Variants in APBA2 observed in about 807,000 individuals in gnomAD.
APBA2 encodes the protein amyloid-beta A4 precursor protein-binding family A member 2.
In APBA2, 30 loss-of-function variants were observed where a neutral mutation model predicts 75.0. The observed-to-expected ratio is 0.40, with a 90% CI of 0.30 to 0.54. The LOEUF is 0.54. Ranked by LOEUF, APBA2 falls within the 20% of genes least tolerant of loss-of-function variation. The pLI, the probability that APBA2 is intolerant of heterozygous loss-of-function variation, is 0.49. For synonymous variants in APBA2, 444 were observed against 409.6 expected, an observed-to-expected ratio of 1.08 and a Z score of -1.01; for missense variants, 801 against 1,016.1, an observed-to-expected ratio of 0.79 and a Z score of 2.88.
chr15:29,082,566 TA>T (rs2043130070), intron 6 of APBA2, among the ~76,000 whole-genome samples: 1 of 152,254 alleles, frequency 6.6e-6, no homozygotes, highest in Non-Finnish European at 1.5e-5. Flanking sequence ...TATTATTCTT[TA>T]CATATAAAGG....
intron 2 of APBA2, among the ~76,000 whole-genome samples, chr15:28,956,705 T>C (rs2036188335): frequency 1.3e-5 from 2 of 152,120 alleles, no homozygotes; most frequent in South Asian, 4.1e-4. Flanking sequence ...TGAAACTCTG[T>C]CCCCATTAAA....
At chr15:28,966,379 G>A (rs868595880) in intron 2 of APBA2, among the ~76,000 whole-genome samples, 4 of 152,032 alleles carry the variant, frequency 2.6e-5, no homozygotes, top group African/African-American at 9.7e-5. Flanking sequence ...GGTCTGGGGG[G>A]TACGCATTTA....
chr15:29,089,072 C>T (rs1237785985), intron 6 of APBA2, among the ~76,000 whole-genome samples: 1 of 152,196 alleles, frequency 6.6e-6, no homozygotes, highest in Non-Finnish European at 1.5e-5. Flanking sequence ...CTTCCCAGGG[C>T]CATAGCCTCC....
At chr15:29,114,933 G>A (rs985682960) in intron 14 of APBA2, among the ~76,000 whole-genome samples, 90 of 151,514 alleles carry the variant, frequency 5.9e-4, no homozygotes, top group Non-Finnish European at 1.3e-4. Flanking sequence ...GTGTGTATGT[G>A]TGCACGGCTG....
Position 29,078,744 on chromosome 15 carries a change from C to T in APBA2, c.1069+2653C>T, listed in dbSNP as rs8033924. Among the ~76,000 whole-genome samples the T allele has an allele frequency of 2.7e-3, 404 of 152,218 alleles. 2 individuals are homozygous for T. The highest frequency in any genetic ancestry group is 9.4e-3 in the African/African-American group (389 of 41,534). ...CTCCTCTTCAGGCTTGTCACCTCATCGTCACACAGTGTGTGGGCAGCCCCA... is the reference window on the plus strand; with the variant it reads ...CTCCTCTTCAGGCTTGTCACCTCATTGTCACACAGTGTGTGGGCAGCCCCA... On this transcript the variant is annotated intron_variant, in intron 6 of 14. Transcript: ENST00000683413.
At chr15:28,969,797 C>T (rs1268680051) in intron 2 of APBA2, among the ~76,000 whole-genome samples, 2 of 152,198 alleles carry the variant, frequency 1.3e-5, no homozygotes, top group Admixed American at 1.3e-4. Flanking sequence ...GTGGCAGATT[C>T]GGGTCTGAAT....
At chr15:29,070,404 G>A (rs2042566906) in intron 4 of APBA2, among the ~76,000 whole-genome samples, 1 of 152,210 alleles carries the variant, frequency 6.6e-6, no homozygotes, top group Admixed American at 6.5e-5. Context: ...AGATTTGTAA[G>A]TACAGACTGA....
intron 1 of APBA2, among the ~76,000 whole-genome samples, chr15:28,916,689 T>G (rs1183233042): frequency 6.6e-6 from 1 of 152,168 alleles, no homozygotes; most frequent in African/African-American, 2.4e-5. Context: ...TGTAGCTCAC[T>G]TACCATTTTC....
intron 10 of APBA2, among the ~76,000 whole-genome samples, chr15:29,104,044 A>ACGCCTGCTGGAGGGCAGGC: frequency 6.6e-6 from 1 of 152,350 alleles, no homozygotes; most frequent in Non-Finnish European, 1.5e-5. Context: ...GGGCAGTTCC[A>ACGCCTGCTGGAGGGCAGGC]CGCCTGCTGG....
intron 1 of APBA2, among the ~76,000 whole-genome samples, chr15:28,890,532 C>T (rs1422472366): frequency 6.6e-6 from 1 of 152,206 alleles, no homozygotes; most frequent in African/African-American, 2.4e-5. Context: ...CCAGAAGCCT[C>T]CGCCTGCCTG....
rs1159555965 is a variant in APBA2 at position 29,114,108 on chromosome 15, G to A, written c.2178+92G>A. On this transcript the variant is annotated intron_variant, in intron 14 of 14. Coordinates refer to ENST00000683413, the MANE Select transcript of APBA2 (RefSeq NM_001353788.2). ...GCCTCCCCCGCTCCAGAGGACACAG[G>A]GCATCTGAAGGTCAGCCAGGCTGTG... 3.8e-6 allele frequency: 6 copies of A among 1,563,934 alleles called. No individual in the cohort carries two copies. The Admixed American group carries it at 6.7e-5, about 18-fold the overall frequency.
chr15:28,951,452 T>C (rs2035867243), intron 2 of APBA2, among the ~76,000 whole-genome samples: 1 of 152,208 alleles, frequency 6.6e-6, no homozygotes, highest in Non-Finnish European at 1.5e-5. Flanking sequence ...GAATGGTATC[T>C]AGAAACCAAG....
chr15:28,969,499 A>G (rs1006559838), intron 2 of APBA2, among the ~76,000 whole-genome samples: 2 of 152,170 alleles, frequency 1.3e-5, no homozygotes. Context: ...CATTTCAAAT[A>G]AAAAGGAGAT....
chr15:28,970,994 A>G (rs547061568), intron 2 of APBA2, among the ~76,000 whole-genome samples: 31 of 152,292 alleles, frequency 2.0e-4, no homozygotes, highest in Admixed American at 5.9e-4. Flanking sequence ...TAAGCTACAT[A>G]GAATCCCCTC....
chr15:29,088,789 G>T (rs2043412736), intron 6 of APBA2, among the ~76,000 whole-genome samples: 1 of 152,150 alleles, frequency 6.6e-6, no homozygotes, highest in South Asian at 2.1e-4. Context: ...GTGGCCCCAG[G>T]GTCCTCACAT....
intron 4 of APBA2, among the ~76,000 whole-genome samples, chr15:29,057,858 C>T (rs973126467): frequency 2.6e-5 from 4 of 152,138 alleles, no homozygotes; most frequent in South Asian, 2.1e-4. Context: ...ATCCCCATGC[C>T]GTACATCAAC....
At chr15:28,908,816 A>G (rs2033275598) in intron 1 of APBA2, among the ~76,000 whole-genome samples, 1 of 152,158 alleles carries the variant, frequency 6.6e-6, no homozygotes, top group South Asian at 2.1e-4. Context: ...ACCACCTGAA[A>G]TACTTTTAAG....
intron 3 of APBA2, among the ~76,000 whole-genome samples, chr15:29,010,309 AG>A (rs1324243967): frequency 2.6e-5 from 4 of 152,080 alleles, no homozygotes; most frequent in African/African-American, 9.7e-5. Flanking sequence ...CCCAGGCTTG[AG>A]TGCAGTGGTG....
At chr15:28,989,416 T>C (rs527458698) in intron 2 of APBA2, among the ~76,000 whole-genome samples, 68 of 152,274 alleles carry the variant, frequency 4.5e-4, no homozygotes, top group African/African-American at 1.6e-3. Flanking sequence ...GTGCCTGTCA[T>C]AGTAAGCACA....
Sources: gnomAD v4.1 joint callset for allele counts (sites outside exome capture counted in the v4.1 genomes callset) on GRCh38, gnomAD v4.1.1 for gene constraint, MANE v1.5 for transcripts, NCBI Gene and HGNC (gene_info 2026-07-23, HGNC 2026-07-21) for gene names.